EYS: variants seen among roughly 807,000 people sequenced by gnomAD.
EYS encodes EGF-like photoreceptor maintenance factor, also known as protein eyes shut homolog.
A neutral mutation model predicts 282.1 loss-of-function variants in EYS; 250 were observed. That is an observed-to-expected ratio of 0.89 (90% CI 0.80 to 0.98). The LOEUF (loss-of-function observed/expected upper bound fraction) is 0.98. Among genes scored for constraint, EYS ranks in the 50% least tolerant of loss-of-function variants. The pLI is 0.00. For missense variants in EYS, 4,016 were observed against 3,709.0 expected (o/e 1.08, Z -2.15); for synonymous variants, 1,355 against 1,282.9 (o/e 1.06, Z -1.20).
At chr6:64,673,899 A>G (rs1276861969) in intron 22 of EYS, among the ~76,000 whole-genome samples, 1 of 152,130 alleles carries the variant, frequency 6.6e-6, no homozygotes, top group East Asian at 1.9e-4. Flanking sequence ...TATGTTTTAA[A>G]TAAAATCAGC....
chr6:65,131,740 G>A (rs919312608), intron 12 of EYS, among the ~76,000 whole-genome samples: 1 of 151,812 alleles, frequency 6.6e-6, no homozygotes, highest in Admixed American at 6.6e-5. Context: ...TGAACTGAAG[G>A]AAATGGAGTC....
At chr6:64,459,369 T>C (rs1775666400) in intron 26 of EYS, among the ~76,000 whole-genome samples, 1 of 152,180 alleles carries the variant, frequency 6.6e-6, no homozygotes, top group African/African-American at 2.4e-5. Context: ...GGAATCCTTA[T>C]TTTTTCTTAA....
intron 26 of EYS, among the ~76,000 whole-genome samples, chr6:64,522,308 A>T (rs1200665130): frequency 6.6e-6 from 1 of 151,774 alleles, no homozygotes; most frequent in African/African-American, 2.4e-5. Context: ...TATATGAAAC[A>T]TGCTTATCAC....
At chr6:64,024,606 C>T (rs1769386811) in intron 33 of EYS, among the ~76,000 whole-genome samples, 1 of 152,132 alleles carries the variant, frequency 6.6e-6, no homozygotes, top group African/African-American at 2.4e-5. Flanking sequence ...CTGCTCCTCA[C>T]TCTTTGGGTC....
At chr6:64,247,970 A>T (rs73763355) in intron 30 of EYS, among the ~76,000 whole-genome samples, 5,546 of 152,244 alleles carry the variant, frequency 0.036, 321 homozygotes, top group African/African-American at 0.13. Context: ...GATATTTGAC[A>T]TTAGCAGAGT....
intron 31 of EYS, among the ~76,000 whole-genome samples, chr6:64,093,624 A>T (rs1772459563): frequency 6.6e-6 from 1 of 152,106 alleles, no homozygotes. Context: ...GACTTTGTTG[A>T]AGTTGCCTAT....
chr6:64,083,213 T>C (rs1772033135), intron 31 of EYS, among the ~76,000 whole-genome samples: 2 of 152,144 alleles, frequency 1.3e-5, no homozygotes, highest in Non-Finnish European at 2.9e-5. Context: ...CCAGCCAACT[T>C]TCTTTTTTGT....
chr6:65,635,500 G>C (rs1767054536), intron 2 of EYS, among the ~76,000 whole-genome samples: 1 of 152,086 alleles, frequency 6.6e-6, no homozygotes, highest in African/African-American at 2.4e-5. Flanking sequence ...TTTTTATAGA[G>C]ATGAGGTCTC....
intron 35 of EYS, among the ~76,000 whole-genome samples, chr6:63,881,760 T>C (rs1396186165): frequency 6.6e-6 from 1 of 152,194 alleles, no homozygotes; most frequent in Non-Finnish European, 1.5e-5. Context: ...ATTTGGCATA[T>C]ATTTTATCTA....
At chr6:65,633,864 T>C (rs1767002184) in intron 2 of EYS, among the ~76,000 whole-genome samples, 1 of 152,218 alleles carries the variant, frequency 6.6e-6, no homozygotes, top group African/African-American at 2.4e-5. Context: ...GTTTTCCCGC[T>C]GCAATGGCAA....
intron 9 of EYS, among the ~76,000 whole-genome samples, chr6:65,345,685 C>A (rs1770364644): frequency 1.3e-5 from 2 of 151,268 alleles, no homozygotes; most frequent in African/African-American, 4.9e-5. Flanking sequence ...AATGATATAT[C>A]TGACTAAACA....
intron 24 of EYS, among the ~76,000 whole-genome samples, chr6:64,609,019 C>T (rs930098544): frequency 7.9e-5 from 12 of 152,004 alleles, no homozygotes; most frequent in Admixed American, 4.6e-4. Flanking sequence ...ATGTACAAGA[C>T]CAAGAGTGAA....
chr6:64,349,886 T>C (rs1219349726), intron 29 of EYS, among the ~76,000 whole-genome samples: 2 of 151,532 alleles, frequency 1.3e-5, no homozygotes, highest in African/African-American at 4.8e-5. Flanking sequence ...TTTTGAAATA[T>C]CTACTTGAAG....
At chr6:65,164,899 C>T (rs1764936010) in intron 12 of EYS, among the ~76,000 whole-genome samples, 1 of 151,314 alleles carries the variant, frequency 6.6e-6, no homozygotes, top group Non-Finnish European at 1.5e-5. Flanking sequence ...CTGTGTTCCC[C>T]TTCTTATAAG....
intron 41 of EYS, among the ~76,000 whole-genome samples, chr6:63,749,031 G>T (rs1290776884): frequency 6.6e-6 from 1 of 151,868 alleles, no homozygotes; most frequent in Non-Finnish European, 1.5e-5. Flanking sequence ...CTAGCTTTGG[G>T]CTTGATTTGC....
chr6:64,699,577 C>A (rs945151122), intron 22 of EYS, among the ~76,000 whole-genome samples: 18 of 151,940 alleles, frequency 1.2e-4, no homozygotes, highest in African/African-American at 4.3e-4. Context: ...CTATATATAC[C>A]CACAAATCAG....
rs1411113726 is a variant in EYS, at chr6:65,378,570, A to T, written c.1299+5816T>A. ...AAGGATTATAATTCATTCTACTATA[A>T]AGACACATGCACACAAAAGTTTATT... On this transcript the variant is annotated intron_variant, in intron 8 of 42. Coordinates refer to ENST00000503581, the MANE Select transcript of EYS (RefSeq NM_001142800.2). Among the ~76,000 whole-genome samples, 4 of 152,176 alleles carry T rather than the reference A, an allele frequency of 2.6e-5. No homozygotes were observed. The East Asian group carries it at 7.7e-4, about 29-fold the overall frequency.
At chr6:64,715,615 T>G (rs1029145512) in intron 22 of EYS, among the ~76,000 whole-genome samples, 2 of 152,180 alleles carry the variant, frequency 1.3e-5, no homozygotes, top group African/African-American at 4.8e-5. Flanking sequence ...TGGGAAGTAA[T>G]GCTCAGATGC....
At position 63,807,505 on chromosome 6, in the gene EYS, A is replaced by G. The variant is rs1480802315; in HGVS notation, c.7229-1133T>C. On this transcript the variant is annotated intron_variant, in intron 36 of 42. Transcript: ENST00000503581. ...AAAGGCTTGTATATCTTTGTTTTAT[A>G]TGACTATTAAACTAAGATATTTGTG... is the stretch of plus-strand genomic sequence containing the variant. Among the ~76,000 whole-genome samples the G allele has an allele frequency of 2.0e-5, 3 of 152,220 alleles. No individual in the cohort carries two copies. The East Asian group carries it at 5.8e-4, about 29-fold the overall frequency.
Sources: gnomAD v4.1 joint callset for allele counts (sites outside exome capture counted in the v4.1 genomes callset) on GRCh38, gnomAD v4.1.1 for gene constraint, MANE v1.5 for transcripts, NCBI Gene and HGNC (gene_info 2026-07-23, HGNC 2026-07-21) for gene names.